Variants in CDH18 observed in about 807,000 individuals in gnomAD.
CDH18 encodes the protein cadherin 18.
CDH18 carries 31 observed loss-of-function variants against 67.9 expected under a neutral mutation model. The ratio of observed to expected loss-of-function variants is 0.46; its 90% CI spans 0.34 to 0.62. The LOEUF (loss-of-function observed/expected upper bound fraction) is 0.62. CDH18 is among the 20% of genes least tolerant of loss of function. CDH18 has a pLI of 0.01. For synonymous variants in CDH18, 362 were observed against 347.2 expected, an observed-to-expected ratio of 1.04 and a Z score of -0.48; for missense variants, 890 against 975.5, an observed-to-expected ratio of 0.91 and a Z score of 1.17.
chr5:19,485,523 G>A (rs1740253182), intron 11 of CDH18, among the ~76,000 whole-genome samples: 1 of 152,134 alleles, frequency 6.6e-6, no homozygotes, highest in Admixed American at 6.5e-5. Context: ...CCAAAGTGCT[G>A]GGATTACAGG....
intron 1 of CDH18, among the ~76,000 whole-genome samples, chr5:20,391,461 G>T (rs759098551): frequency 6.6e-6 from 1 of 151,934 alleles, no homozygotes; most frequent in Non-Finnish European, 1.5e-5. Flanking sequence ...ACACATTAAT[G>T]TGCTATATAA....
intron 3 of CDH18, among the ~76,000 whole-genome samples, chr5:19,831,888 A>C (rs187646079): frequency 6.6e-6 from 1 of 152,274 alleles, no homozygotes; most frequent in Admixed American, 6.5e-5. Flanking sequence ...TAAATAAAGA[A>C]AATGTGACAC....
chr5:20,464,940 T>TA (rs1368506441), intron 1 of CDH18, among the ~76,000 whole-genome samples: 1 of 152,068 alleles, frequency 6.6e-6, no homozygotes, highest in Non-Finnish European at 1.5e-5. Context: ...TATTGGATTC[T>TA]AAAAAAAGTA....
intron 1 of CDH18, among the ~76,000 whole-genome samples, chr5:20,541,947 G>GTTGTTTT (rs1043938400): frequency 2.1e-4 from 32 of 152,100 alleles, no homozygotes; most frequent in Non-Finnish European, 4.4e-4. Flanking sequence ...GGTTTTTGTT[G>GTTGTTTT]TTGTTTTTTG....
At chr5:20,445,234 A>T (rs192337729) in intron 1 of CDH18, among the ~76,000 whole-genome samples, 20 of 152,310 alleles carry the variant, frequency 1.3e-4, no homozygotes, top group African/African-American at 4.8e-4. Context: ...TTTAGAGTTT[A>T]TTTCCTTAAA....
intron 5 of CDH18, among the ~76,000 whole-genome samples, chr5:19,676,265 CT>C (rs1759480303): frequency 6.6e-6 from 1 of 152,020 alleles, no homozygotes; most frequent in African/African-American, 2.4e-5. Flanking sequence ...AACTTTAAAA[CT>C]TTTTTGAGAA....
At chr5:20,334,427 G>A (rs551693808) in intron 1 of CDH18, among the ~76,000 whole-genome samples, 5 of 151,744 alleles carry the variant, frequency 3.3e-5, no homozygotes, top group South Asian at 2.1e-4. Context: ...GTGAGCCACC[G>A]CGCCCGGCCT....
At chr5:19,720,815 G>A (rs1461267973) in intron 5 of CDH18, among the ~76,000 whole-genome samples, 3 of 151,848 alleles carry the variant, frequency 2.0e-5, no homozygotes, top group African/African-American at 7.3e-5. Flanking sequence ...CAATATTTGA[G>A]GGCTGAATAA....
At chr5:20,411,313 T>C (rs1026415134) in intron 1 of CDH18, among the ~76,000 whole-genome samples, 2 of 152,032 alleles carry the variant, frequency 1.3e-5, no homozygotes, top group African/African-American at 4.8e-5. Context: ...CGGTCAGCTG[T>C]TGTTGGACAA....
At chr5:20,296,152 G>A (rs1427374044) in intron 1 of CDH18, among the ~76,000 whole-genome samples, 7 of 151,414 alleles carry the variant, frequency 4.6e-5, no homozygotes, top group Admixed American at 3.9e-4. Flanking sequence ...GGGATTGCAG[G>A]TGTCAGCCAT....
chr5:20,208,900 C>G (rs1487472865), intron 2 of CDH18, among the ~76,000 whole-genome samples: 1 of 151,862 alleles, frequency 6.6e-6, no homozygotes, highest in Non-Finnish European at 1.5e-5. Flanking sequence ...AGAAAAAACA[C>G]AAAATCCCCA....
intron 7 of CDH18, among the ~76,000 whole-genome samples, chr5:19,581,218 CT>C (rs1382750317): frequency 6.6e-6 from 1 of 151,938 alleles, no homozygotes; most frequent in East Asian, 1.9e-4. Context: ...TGAGTTGACA[CT>C]GATTTTCATT....
intron 2 of CDH18, among the ~76,000 whole-genome samples, chr5:20,055,148 C>A (rs943120912): frequency 6.6e-6 from 1 of 151,898 alleles, no homozygotes; most frequent in Non-Finnish European, 1.5e-5. Context: ...ACATGTATTA[C>A]TATTATAAAA....
At chr5:20,554,954 A>T (rs1757819042) in intron 1 of CDH18, among the ~76,000 whole-genome samples, 1 of 152,314 alleles carries the variant, frequency 6.6e-6, no homozygotes, top group African/African-American at 2.4e-5. Flanking sequence ...AGCTCCAGCC[A>T]TCATTTGATC....
chr5:20,510,439 CG>C (rs1195995000), intron 1 of CDH18, among the ~76,000 whole-genome samples: 1 of 152,074 alleles, frequency 6.6e-6, no homozygotes, highest in African/African-American at 2.4e-5. Flanking sequence ...TTACAAATTA[CG>C]GGATTTCCTC....
intron 2 of CDH18, among the ~76,000 whole-genome samples, chr5:20,069,282 A>AAGT (rs1407049626): frequency 6.6e-6 from 1 of 152,016 alleles, no homozygotes; most frequent in African/African-American, 2.4e-5. Flanking sequence ...TTTTTGCCAT[A>AAGT]AGTAGCTTCT....
At chr5:19,792,576 T>G (rs1012294612) in intron 3 of CDH18, among the ~76,000 whole-genome samples, 19 of 152,270 alleles carry the variant, frequency 1.2e-4, no homozygotes, top group Admixed American at 1.2e-3. Context: ...TCTATCTATC[T>G]ATCTGTTGAT....
chr5:19,564,861 A>G (rs115679471), intron 8 of CDH18, among the ~76,000 whole-genome samples: 201 of 151,882 alleles, frequency 1.3e-3, no homozygotes, highest in African/African-American at 4.7e-3. Context: ...CAGTCCAGGC[A>G]GTGTTCAGCA....
At chr5:20,058,100 T>A (rs1269143399) in intron 2 of CDH18, among the ~76,000 whole-genome samples, 7 of 152,178 alleles carry the variant, frequency 4.6e-5, no homozygotes, top group Admixed American at 3.9e-4. Flanking sequence ...CTAATTTCTC[T>A]TGGTCAATTT....
Sources: gnomAD v4.1 joint callset for allele counts (sites outside exome capture counted in the v4.1 genomes callset) on GRCh38, gnomAD v4.1.1 for gene constraint, MANE v1.5 for transcripts, NCBI Gene and HGNC (gene_info 2026-07-23, HGNC 2026-07-21) for gene names.